Variants in REEP1 observed in about 807,000 individuals in gnomAD.
REEP1 encodes the protein receptor expression-enhancing protein 1.
Under a neutral mutation model 40.3 loss-of-function variants are expected in REEP1, and 22 were observed. The observed-to-expected ratio is 0.55, with a 90% CI of 0.39 to 0.78. The LOEUF (loss-of-function observed/expected upper bound fraction) is 0.78, where lower values mean the gene tolerates loss of function less well. REEP1 is among the 30% of genes least tolerant of loss of function. REEP1 has a pLI of 0.00. For synonymous variants in REEP1, 116 were observed against 139.2 expected (o/e 0.83, Z 1.17); for missense variants, 280 against 361.1 (o/e 0.78, Z 1.82).
chr2:86,223,049 G>A (rs1241224639), intron 7 of REEP1, among the ~76,000 whole-genome samples: 1 of 152,244 alleles, frequency 6.6e-6, no homozygotes, highest in African/African-American at 2.4e-5. Context: ...TCCCGCCCAA[G>A]GTCATGGCCA....
chr2:86,288,032 A>ATTATTATTATTATTTTTTTTTTT (rs1558916454), intron 1 of REEP1, among the ~76,000 whole-genome samples: 30 of 149,850 alleles, frequency 2.0e-4, no homozygotes, highest in African/African-American at 6.8e-4. Flanking sequence ...TATTTTTATT[A>ATTATTATTATTATTTTTTTTTTT]TTTTTTTGAG....
chr2:86,298,625 G>A (rs931153916), intron 1 of REEP1, among the ~76,000 whole-genome samples: 4 of 152,226 alleles, frequency 2.6e-5, no homozygotes, highest in Admixed American at 6.5e-5. Context: ...CCGTGTGGAC[G>A]CTTTGAGCAT....
intron 5 of REEP1, among the ~76,000 whole-genome samples, chr2:86,243,006 G>A (rs140953346): frequency 3.4e-3 from 516 of 152,262 alleles, no homozygotes; most frequent in Middle Eastern, 0.01. Context: ...TTACAGGACT[G>A]TCAACTAAAG....
intron 6 of REEP1, among the ~76,000 whole-genome samples, chr2:86,227,916 T>G (rs1164565444): frequency 6.6e-6 from 1 of 152,158 alleles, no homozygotes; most frequent in Non-Finnish European, 1.5e-5. Context: ...TGACTCCAAG[T>G]CCATGGAAGG....
At chr2:86,219,852 AC>A (rs1399192056) in intron 8 of REEP1, 117 bp downstream of exon 8, 2 of 711,540 alleles carry the variant, frequency 2.8e-6, no homozygotes, top group Admixed American at 4.3e-5. Flanking sequence ...AGATCTTTCC[AC>A]CCCAGGTATT....
intron 1 of REEP1, among the ~76,000 whole-genome samples, chr2:86,292,745 A>T (rs1678789763): frequency 6.6e-6 from 1 of 152,178 alleles, no homozygotes; most frequent in Non-Finnish European, 1.5e-5. Context: ...GTGGGGGGAA[A>T]GAGTGAGGAG....
intron 2 of REEP1, among the ~76,000 whole-genome samples, chr2:86,276,755 G>GC (rs1283367018): frequency 6.6e-6 from 1 of 152,030 alleles, no homozygotes; most frequent in East Asian, 1.9e-4. Flanking sequence ...TAAGCCTGAT[G>GC]CCAGCTCCTT....
chr2:86,218,268 C>T (rs1674234831), intron 8 of REEP1, among the ~76,000 whole-genome samples: 2 of 152,178 alleles, frequency 1.3e-5, no homozygotes, highest in African/African-American at 4.8e-5. Flanking sequence ...GGACTTTGCA[C>T]CCAGTGGGAA....
At chr2:86,334,794 C>T (rs1398871791) in intron 1 of REEP1, among the ~76,000 whole-genome samples, 1 of 152,108 alleles carries the variant, frequency 6.6e-6, no homozygotes, top group East Asian at 1.9e-4. Context: ...AGTCTGAGAG[C>T]CCCTCTCATA....
chr2:86,317,045 C>T (rs897190385), intron 1 of REEP1, among the ~76,000 whole-genome samples: 1 of 152,166 alleles, frequency 6.6e-6, no homozygotes, highest in Admixed American at 6.5e-5. Flanking sequence ...GACCTCCTGA[C>T]AGGAGGCGGT....
intron 5 of REEP1, among the ~76,000 whole-genome samples, chr2:86,245,889 C>A (rs942051671): frequency 3.3e-5 from 5 of 151,926 alleles, no homozygotes; most frequent in African/African-American, 1.2e-4. Context: ...CTCAGCCTCC[C>A]GAGTAGCTGG....
At chr2:86,319,692 CAAAGAAGAAAAGAACGAAAAAA>C (rs1205103975) in intron 1 of REEP1, among the ~76,000 whole-genome samples, 2 of 144,632 alleles carry the variant, frequency 1.4e-5, no homozygotes, top group African/African-American at 2.6e-5. Flanking sequence ...GAGACTCTGC[CAAAGAAGAAAAGAACGAAAAAA>C]AAAGAAGAAA....
chr2:86,285,431 A>G (rs1289603638), intron 1 of REEP1, among the ~76,000 whole-genome samples: 1 of 152,232 alleles, frequency 6.6e-6, no homozygotes. Flanking sequence ...ATATTATTAT[A>G]TCATTGAGTG....
At position 86,216,955 on chromosome 2, in the gene REEP1, TGCGGATTTCTATG is replaced by T. The variant is rs1674143184; in HGVS notation, c.*71_*83del. 1.7e-6 allele frequency: 2 copies of T among 1,145,958 alleles called. No individual in the cohort carries two copies. Among genetic ancestry groups the T allele is most frequent in the Non-Finnish European group, 2.6e-6 (2 of 764,078 alleles). 71.0% of individuals were successfully genotyped at this position (1,145,958 alleles called of 1,614,324 possible). A position where few individuals can be genotyped will look rare whatever the true frequency, so the allele number is the denominator to read the frequency against. ...CTGCACACTCAAAGCACACCCAGCT[TGCGGATTTCTATG>T]TTATTAGTGAATAGCTCTTTAAGGC... On this transcript the variant is annotated 3_prime_UTR_variant, in exon 9 of 9. Coordinates refer to ENST00000538924, the MANE Select transcript of REEP1 (RefSeq NM_001371279.1).
intron 1 of REEP1, among the ~76,000 whole-genome samples, chr2:86,311,323 G>A (rs1256098409): frequency 1.3e-5 from 2 of 152,178 alleles, no homozygotes; most frequent in Admixed American, 6.5e-5. Flanking sequence ...GGGCCGATGG[G>A]TTTTTAAAGG....
rs143952483 is a variant in REEP1, at chr2:86,225,748, A to G, written c.631+1615T>C. Among the ~76,000 whole-genome samples the G allele has an allele frequency of 2.5e-3, 375 of 152,350 alleles. 3 individuals are homozygous for G. Among genetic ancestry groups the G allele is most frequent in the African/African-American group, 8.5e-3 (353 of 41,586 alleles). Reference sequence around the variant, plus strand: ...CCAGGGCTGGAGCAAAAGCTATATTAGGCACCTTGCGTGCCTTCCTTCCTC... The same window carrying G: ...CCAGGGCTGGAGCAAAAGCTATATTGGGCACCTTGCGTGCCTTCCTTCCTC... On this transcript the variant is annotated intron_variant, in intron 7 of 8. Transcript: ENST00000538924.
intron 1 of REEP1, among the ~76,000 whole-genome samples, chr2:86,314,326 C>T (rs1679896524): frequency 6.6e-6 from 1 of 152,160 alleles, no homozygotes; most frequent in East Asian, 1.9e-4. Flanking sequence ...CCTGGAGTCT[C>T]ATTAAACTGG....
At chr2:86,245,679 A>C (rs1675900533) in intron 5 of REEP1, among the ~76,000 whole-genome samples, 1 of 151,838 alleles carries the variant, frequency 6.6e-6, no homozygotes, top group Admixed American at 6.6e-5. Context: ...AGGAACTCTT[A>C]ACCTGTCTCT....
At position 86,330,414 on chromosome 2, in the gene REEP1, GGTGTGTGTGTGTGTGTGTGT is replaced by G. The variant is rs55660803; in HGVS notation, c.32+7045_32+7064del. Among the ~76,000 whole-genome samples, 8 of 127,882 alleles carry G rather than the reference GGTGTGTGTGTGTGTGTGTGT, an allele frequency of 6.3e-5. 1 individual carries two copies. Among genetic ancestry groups the G allele is most frequent in the East Asian group, 2.5e-4 (1 of 3,996 alleles). 83.9% of individuals were successfully genotyped at this position (127,882 alleles called of 152,430 possible). On this transcript the variant is annotated intron_variant, in intron 1 of 8. Coordinates refer to ENST00000538924, the MANE Select transcript of REEP1 (RefSeq NM_001371279.1). ...GACTCTCCCTACCACAGTGAATCCTGGTGTGTGTGTGTGTGTGTGTGTGTGTGTGTGTGTGTGTGTGTGTG... is the reference window on the plus strand; with the variant it reads ...GACTCTCCCTACCACAGTGAATCCTGGTGTGTGTGTGTGTGTGTGTGTGTG...
Sources: gnomAD v4.1 joint callset for allele counts (sites outside exome capture counted in the v4.1 genomes callset) on GRCh38, gnomAD v4.1.1 for gene constraint, MANE v1.5 for transcripts, NCBI Gene and HGNC (gene_info 2026-07-23, HGNC 2026-07-21) for gene names.